Variants in NCAPG observed in about 807,000 individuals in gnomAD.
NCAPG encodes the protein non-SMC condensin I complex subunit G, also known as condensin complex subunit 3.
NCAPG carries 69 observed loss-of-function variants against 113.1 expected under a neutral mutation model. The observed-to-expected ratio is 0.61, with a 90% CI of 0.50 to 0.75. NCAPG has a LOEUF of 0.75. NCAPG is among the 30% of genes least tolerant of loss of function. The probability of loss-of-function intolerance (pLI) is 0.00; values close to 1 mark genes in which losing one functional copy is unlikely to be tolerated. For synonymous variants in NCAPG, 370 were observed against 415.8 expected (o/e 0.89, Z 1.34); for missense variants, 1,058 against 1,177.0 (o/e 0.90, Z 1.48).
chr4:17,811,108 A>G lies in NCAPG; in HGVS notation c.31A>G (p.Lys11Glu). MGAERRLLSIKEAFRLAQQPH... is the reference protein window; with the variant it reads MGAERRLLSIEEAFRLAQQPH... Reference sequence around the variant, plus strand: ...AGCGGAAAGGAGGCTGCTGTCGATTAAGGAGGCCTTTCGGCTGGCGCAGCA... The same window carrying G: ...AGCGGAAAGGAGGCTGCTGTCGATTGAGGAGGCCTTTCGGCTGGCGCAGCA... Residue 11 changes from lysine to glutamate, a missense_variant, in exon 1 of 21, where the codon AAG (lysine) becomes GAG (glutamate). Coordinates refer to ENST00000251496, the MANE Select transcript of NCAPG (RefSeq NM_022346.5). The surrounding 1 kb of genome is among the most constrained non-coding windows in gnomAD (Gnocchi z 5.3). The G allele has an allele frequency of 6.5e-7, 1 of 1,536,114 alleles. No homozygotes were observed. Among genetic ancestry groups the G allele is most frequent in the East Asian group, 2.6e-5 (1 of 37,888 alleles).
Position 17,840,631 on chromosome 4 carries a change from C to A in NCAPG, c.2792C>A (p.Thr931Asn). 6.5e-7 allele frequency: 1 copy of A among 1,544,232 alleles called. No individual in the cohort carries two copies. Among genetic ancestry groups the A allele is most frequent in the South Asian group, 1.3e-5 (1 of 77,894 alleles). ...GAAAAGAATAAAGAAGTATATATGA[C>A]TCCACTCAGGGGTGTAAAAGCAACC... Reference protein sequence around the residue: ...EDEKNKEVYMTPLRGVKATQA... With the variant: ...EDEKNKEVYMNPLRGVKATQA... The change falls in exon 19 of 21, where the codon ACT becomes AAT. Residue 931 changes from threonine (T) to asparagine (N), a missense_variant. Transcript: ENST00000251496.
At chr4:17,839,598 A>G in intron 16 of NCAPG, 78 bp from the exon 17 acceptor site, 4 of 1,034,190 alleles carry the variant, frequency 3.9e-6, no homozygotes, top group Non-Finnish European at 5.2e-6. Flanking sequence ...TTAGTTGGAA[A>G]TATTTGTTAG....
rs547506694 is a variant in NCAPG, at chr4:17,843,354, C to T, written c.2977C>T (p.Arg993Ter). 6.2e-6 allele frequency: 10 copies of T among 1,611,976 alleles called. No homozygotes were observed. Among genetic ancestry groups the T allele is most frequent in the Middle Eastern group, 3.3e-4 (2 of 6,054 alleles). Residue 993 changes from arginine (R) to a stop codon, truncating the protein, a stop_gained, in exon 21 of 21, where the codon CGA (arginine) becomes TGA (stop). Transcript: ENST00000251496. LOFTEE classifies it high-confidence loss of function. ...AGAAATGAAGATGAGACTACCAAGA[C>T]GAGCCAAAACCGCAGCACTAGAAAA... is the stretch of plus-strand genomic sequence containing the variant. ...ESEMKMRLPR[R>*]AKTAALEKSK...
intron 2 of NCAPG, 113 bp downstream of exon 2, chr4:17,812,537 C>G: frequency 2.7e-6 from 2 of 735,180 alleles, no homozygotes; most frequent in South Asian, 1.6e-5. Flanking sequence ...TTGAAAAAAC[C>G]TGAATGAGTC....
At chr4:17,821,297 A>G (rs185115795) in intron 7 of NCAPG, among the ~76,000 whole-genome samples, 23 of 152,218 alleles carry the variant, frequency 1.5e-4, no homozygotes, top group Admixed American at 1.4e-3. Context: ...TTAGTTTCCT[A>G]CTAGAACCCA....
rs1421061996 is a variant in NCAPG at position 17,815,627 on chromosome 4, C to T, written c.775+269C>T. On this transcript the variant is annotated intron_variant, in intron 5 of 20. Coordinates refer to ENST00000251496, the MANE Select transcript of NCAPG (RefSeq NM_022346.5). ...GCAACCTCTGCCTTCTAGTTTCAAG[C>T]GATTCTCCTGCCTCAGCCTCCTGAG... Among the ~76,000 whole-genome samples, 6 of 152,160 alleles carry T rather than the reference C, an allele frequency of 3.9e-5. No homozygotes were observed. The highest frequency in any genetic ancestry group is 1.9e-4 in the East Asian group (1 of 5,198).
At chr4:17,826,772 G>T (rs965191378) in intron 11 of NCAPG, among the ~76,000 whole-genome samples, 10 of 152,174 alleles carry the variant, frequency 6.6e-5, no homozygotes, top group Admixed American at 4.6e-4. Context: ...TCTAGTGCTG[G>T]TAGAGTATTG....
chr4:17,837,039 T>C lies in NCAPG; in HGVS notation c.2110-120T>C, dbSNP rs767876147. Reference sequence around the variant, plus strand: ...GTCTTTTTATTTGCCTTTAAAGAATTTGTAATAACTCGAATGGTTTTTGGA... The same window carrying C: ...GTCTTTTTATTTGCCTTTAAAGAATCTGTAATAACTCGAATGGTTTTTGGA... On this transcript the variant is annotated intron_variant, in intron 14 of 20. Transcript: ENST00000251496. The C allele has an allele frequency of 2.9e-5, 23 of 782,368 alleles. No homozygotes were observed. In the East Asian group the frequency reaches 4.0e-4, roughly 13 times the overall value. 48.5% of individuals were successfully genotyped at this position (782,368 alleles called of 1,614,324 possible).
At chr4:17,826,654 A>G (rs765659921) in intron 11 of NCAPG, among the ~76,000 whole-genome samples, 10 of 152,190 alleles carry the variant, frequency 6.6e-5, no homozygotes, top group African/African-American at 1.7e-4. Context: ...TTGACCATTT[A>G]TGTGTCTATT....
rs566852508 is a variant in NCAPG, at chr4:17,829,024, A to C, written c.1764+636A>C. 1.8e-4 allele frequency among the ~76,000 whole-genome samples: 28 copies of C among 152,112 alleles called. 1 individual carries two copies. The highest frequency in any genetic ancestry group is 3.4e-4 in the Non-Finnish European group (23 of 67,910). ...ATTTGGATATGTCCAATATATCCAA[A>C]ATATTAATCATTTCATTATTTACTC... On this transcript the variant is annotated intron_variant, in intron 12 of 20. Transcript: ENST00000251496.
At position 17,825,368 on chromosome 4, in the gene NCAPG, A is replaced by G. The variant is rs1007919370; in HGVS notation, c.1474-14A>G. The G allele has an allele frequency of 6.4e-7, 1 of 1,572,434 alleles. No homozygotes were observed. Among genetic ancestry groups the G allele is most frequent in the Non-Finnish European group, 8.6e-7 (1 of 1,167,650 alleles). ...TTTTTGTTCAGTGTTGAAACAATTT[A>G]TATCTTCCCTTAGATGGCTGAAATA... On this transcript the variant is annotated splice_polypyrimidine_tract_variant and intron_variant, in intron 10 of 20. Coordinates refer to ENST00000251496, the MANE Select transcript of NCAPG (RefSeq NM_022346.5).
chr4:17,816,560 A>G (rs535699347), intron 5 of NCAPG, among the ~76,000 whole-genome samples: 1 of 152,190 alleles, frequency 6.6e-6, no homozygotes, highest in South Asian at 2.1e-4. Context: ...TAGTAGGATG[A>G]CCTTAAAAGC....
At chr4:17,830,120 C>T (rs1421035033) in intron 12 of NCAPG, among the ~76,000 whole-genome samples, 3 of 152,048 alleles carry the variant, frequency 2.0e-5, no homozygotes, top group African/African-American at 4.8e-5. Flanking sequence ...GGGGGTTGGG[C>T]GTGGTGGCTC....
intron 2 of NCAPG, 46 bp downstream of exon 2, chr4:17,812,470 G>C: frequency 6.6e-7 from 1 of 1,525,418 alleles, no homozygotes; most frequent in Non-Finnish European, 9.0e-7. Context: ...AGAAAATTTT[G>C]CCACTTTAAA....
chr4:17,820,743 T>C (rs1017278224), intron 7 of NCAPG, among the ~76,000 whole-genome samples: 2 of 152,216 alleles, frequency 1.3e-5, no homozygotes, highest in Admixed American at 6.5e-5. Context: ...AAAATTAAAT[T>C]GAAAAATTGT....
Position 17,840,147 on chromosome 4 carries a change from G to T in NCAPG, c.2705G>T (p.Gly902Val). 1 of 1,612,070 alleles carries T rather than the reference G, an allele frequency of 6.2e-7. No individual in the cohort carries two copies. Among genetic ancestry groups the T allele is most frequent in the South Asian group, 1.1e-5 (1 of 90,796 alleles). The change falls in exon 18 of 21, where the codon GGT becomes GTT. Residue 902 changes from glycine to valine, a missense_variant. By Grantham distance (109) the Gly-to-Val change is moderately radical. Coordinates refer to ENST00000251496, the MANE Select transcript of NCAPG (RefSeq NM_022346.5). Reference protein sequence around the residue: ...IQLEKGNKEFGDQAEAAQDAT... With the variant: ...IQLEKGNKEFVDQAEAAQDAT... Reference sequence around the variant, plus strand: ...TTAGAAAAAGGAAATAAAGAATTTGGTGACCAAGCTGAAGCAGCACAGGAT... The same window carrying T: ...TTAGAAAAAGGAAATAAAGAATTTGTTGACCAAGCTGAAGCAGCACAGGAT...
chr4:17,811,198 C>A lies in NCAPG; in HGVS notation c.111+10C>A. On this transcript the variant is annotated intron_variant, in intron 1 of 20. Coordinates refer to ENST00000251496, the MANE Select transcript of NCAPG (RefSeq NM_022346.5). This position sits in a 1 kb window ranked among gnomAD's most constrained non-coding sequence, Gnocchi z 5.3. Reference sequence around the variant, plus strand: ...CCGCACCTACCGCACGGTAAGCGCTCCCGGCCCCGGCCGCCGCCTCTCGCC... The same window carrying A: ...CCGCACCTACCGCACGGTAAGCGCTACCGGCCCCGGCCGCCGCCTCTCGCC... The A allele has an allele frequency of 6.9e-7, 1 of 1,447,244 alleles. No homozygotes were observed. Among genetic ancestry groups the A allele is most frequent in the Non-Finnish European group, 9.2e-7 (1 of 1,090,458 alleles). The allele number at this position is 1,447,244 out of a possible 1,614,324, so 89.7% of individuals were successfully genotyped here.
chr4:17,834,367 G>A lies in NCAPG; in HGVS notation c.1953G>A (p.Thr651=), dbSNP rs142476368. The A allele has an allele frequency of 1.7e-4, 274 of 1,608,388 alleles. No individual in the cohort carries two copies. Among genetic ancestry groups the A allele is most frequent in the Admixed American group, 2.2e-4 (13 of 59,358 alleles). Residue 651 remains threonine (T), a synonymous_variant, in exon 14 of 21, where the codon ACG becomes ACA. Coordinates refer to ENST00000251496, the MANE Select transcript of NCAPG (RefSeq NM_022346.5). ...ALKAIFDQLM[T]FGIEPFKTKK... is the part of the protein sequence containing the mutation. ...AGGCAATCTTTGACCAACTGATGAC[G>A]TTCGGGATTGAACCATTTAAAACTA...
At position 17,811,044 on chromosome 4, in the gene NCAPG, C is replaced by T; in HGVS notation, c.-34C>T. On this transcript the variant is annotated 5_prime_UTR_variant, in exon 1 of 21. Coordinates refer to ENST00000251496, the MANE Select transcript of NCAPG (RefSeq NM_022346.5). This position sits in a 1 kb window ranked among gnomAD's most constrained non-coding sequence, Gnocchi z 5.3. ...CGGGCTGGCAGGCTGTAGCCGAGCG[C>T]GGGCAGGACTCGTCCCGGCAGGGTT... is the stretch of plus-strand genomic sequence containing the variant. 7.4e-7 allele frequency: 1 copy of T among 1,356,276 alleles called. No individual in the cohort carries two copies. The highest frequency in any genetic ancestry group is 9.8e-7 in the Non-Finnish European group (1 of 1,015,710). 84.0% of individuals were successfully genotyped at this position (1,356,276 alleles called of 1,614,324 possible).
Sources: allele counts gnomAD v4.1 joint callset (sites outside exome capture counted in the v4.1 genomes callset), GRCh38; gene constraint gnomAD v4.1.1; non-coding constraint Gnocchi (gnomAD v3.1); transcripts MANE v1.5; gene names NCBI Gene and HGNC (gene_info 2026-07-23, HGNC 2026-07-21).